RAB33A: variants seen among roughly 807,000 people sequenced by gnomAD.
The protein encoded by RAB33A is ras-related protein Rab-33A.
Under a neutral mutation model 12.0 loss-of-function variants are expected in RAB33A, and 6 were observed. The observed-to-expected ratio is 0.50, with a 90% confidence interval of 0.27 to 0.99. The LOEUF is 0.99. Among genes scored for constraint, RAB33A ranks in the 50% least tolerant of loss-of-function variants. The probability of loss-of-function intolerance (pLI) is 0.11; values close to 1 mark genes in which losing one functional copy is unlikely to be tolerated. For synonymous variants in RAB33A, 70 were observed against 82.4 expected (o/e 0.85, Z 0.81); for missense variants, 109 against 192.0 (o/e 0.57, Z 2.55).
the RAB33A span, among the ~76,000 whole-genome samples, chrX:130,152,920 T>C: frequency 8.9e-6 from 1 of 111,954 alleles, no homozygotes; most frequent in African/African-American, 3.2e-5. Flanking sequence ...AGAGTAAGTG[T>C]ATGATACCTA....
chrX:130,129,737 T>C, the RAB33A span: 7 of 825,227 alleles, frequency 8.5e-6, no homozygotes, highest in Non-Finnish European at 1.3e-5. Flanking sequence ...TGGGAGGGAG[T>C]TGTGGGAACA....
chrX:130,114,492 C>T, the RAB33A span, among the ~76,000 whole-genome samples: 101 of 112,524 alleles, frequency 9.0e-4, no homozygotes, highest in East Asian at 0.019. Flanking sequence ...GCTGAGATCA[C>T]CACTCTCCTG....
At chrX:130,183,876 G>A (rs2031758122) in intron 1 of RAB33A, among the ~76,000 whole-genome samples, 1 of 111,522 alleles carries the variant, frequency 9.0e-6, no homozygotes, top group Admixed American at 9.5e-5. Flanking sequence ...CACTTCCTGT[G>A]TCACGGCTTG....
chrX:130,131,287 G>A, the RAB33A span, among the ~76,000 whole-genome samples: 36 of 112,022 alleles, frequency 3.2e-4, no homozygotes, highest in African/African-American at 1.2e-3. Context: ...GTGTTCTTGA[G>A]ATTCGCCTGA....
At chrX:130,142,638 T>C in the RAB33A span, among the ~76,000 whole-genome samples, 1 of 111,290 alleles carries the variant, frequency 9.0e-6, no homozygotes, top group South Asian at 3.8e-4. Flanking sequence ...TTCCCAATGG[T>C]ATCTGTTTTA....
chrX:130,142,500 A>G, the RAB33A span, among the ~76,000 whole-genome samples: 1 of 111,689 alleles, frequency 9.0e-6, no homozygotes, highest in East Asian at 2.8e-4. Flanking sequence ...CGTCCAGCCT[A>G]TTAACATGCT....
the RAB33A span, chrX:130,136,561 G>C: frequency 1.2e-6 from 1 of 839,345 alleles, no homozygotes; most frequent in Non-Finnish European, 1.8e-6. Flanking sequence ...TAATCTACTG[G>C]TGTCAAATGA....
the RAB33A span, among the ~76,000 whole-genome samples, chrX:130,124,913 C>T: frequency 8.9e-6 from 1 of 111,901 alleles, no homozygotes; most frequent in South Asian, 3.7e-4. Flanking sequence ...AAGAGCGAGG[C>T]TGAAGCCACA....
At chrX:130,127,036 GGT>G in the RAB33A span, among the ~76,000 whole-genome samples, 250 of 105,387 alleles carry the variant, frequency 2.4e-3, 2 homozygotes, top group African/African-American at 5.3e-3. Flanking sequence ...CAATAAACCA[GGT>G]GTGTGTGTGT....
chrX:130,117,933 C>T, the RAB33A span, among the ~76,000 whole-genome samples: 1 of 112,299 alleles, frequency 8.9e-6, no homozygotes, highest in African/African-American at 3.2e-5. Context: ...CCGGTGCAGG[C>T]GGACCAAGAT....
At chrX:130,164,793 A>G in the RAB33A span, among the ~76,000 whole-genome samples, 1 of 111,786 alleles carries the variant, frequency 8.9e-6, no homozygotes, top group Non-Finnish European at 1.9e-5. Flanking sequence ...AGCTCTACCT[A>G]TTAATTAACT....
chrX:130,142,135 C>T, the RAB33A span, among the ~76,000 whole-genome samples: 5 of 111,697 alleles, frequency 4.5e-5, no homozygotes, highest in South Asian at 1.1e-3. Flanking sequence ...GTTTAGTGGC[C>T]AAGACAATTT....
At chrX:130,139,903 C>A in the RAB33A span, 1 of 1,146,910 alleles carries the variant, frequency 8.7e-7, no homozygotes, top group South Asian at 1.8e-5. Context: ...CCCTTTAGCC[C>A]AACAAGCAGG....
At chrX:130,127,520 T>C in the RAB33A span, among the ~76,000 whole-genome samples, 1 of 110,626 alleles carries the variant, frequency 9.0e-6, no homozygotes, top group African/African-American at 3.3e-5. Flanking sequence ...GGATAACTAC[T>C]GTCAAAGAAT....
chrX:130,177,207 C>G (rs1486309727), intron 1 of RAB33A, among the ~76,000 whole-genome samples: 1 of 112,242 alleles, frequency 8.9e-6, no homozygotes, highest in Non-Finnish European at 1.9e-5. Flanking sequence ...GTCTCACCTT[C>G]GAGAAGCCAA....
the RAB33A span, among the ~76,000 whole-genome samples, chrX:130,124,525 C>A: frequency 9.0e-6 from 1 of 111,577 alleles, no homozygotes; most frequent in Non-Finnish European, 1.9e-5. Flanking sequence ...GGAGGCTCCA[C>A]CAGGACTAGG....
intron 1 of RAB33A, among the ~76,000 whole-genome samples, chrX:130,181,007 CAAA>C (rs60085312): frequency 2.2e-3 from 18 of 8,123 alleles, no homozygotes; most frequent in African/African-American, 5.1e-3. Flanking sequence ...CAGTCCATCT[CAAA>C]AAAAAAAAAA....
the RAB33A span, among the ~76,000 whole-genome samples, chrX:130,131,302 AAAT>A: frequency 2.7e-5 from 3 of 112,273 alleles, no homozygotes; most frequent in Non-Finnish European, 3.8e-5. Context: ...GCCTGAAGCA[AAAT>A]AATAAAAATG....
chrX:130,134,696 T>A, the RAB33A span, among the ~76,000 whole-genome samples: 1 of 110,248 alleles, frequency 9.1e-6, no homozygotes, highest in African/African-American at 3.3e-5. Flanking sequence ...CAGCCGGGGG[T>A]GAACTGGACC....
Sources: gnomAD v4.1 joint callset for allele counts (sites outside exome capture counted in the v4.1 genomes callset) on GRCh38, gnomAD v4.1.1 for gene constraint, MANE v1.5 for transcripts, NCBI Gene and HGNC (gene_info 2026-07-23, HGNC 2026-07-21) for gene names.